Variants in CDK14 observed in about 807,000 individuals in gnomAD.
The protein encoded by CDK14 is cyclin-dependent kinase 14.
Under a neutral mutation model 60.7 loss-of-function variants are expected in CDK14, and 34 were observed. The observed-to-expected ratio is 0.56, with a 90% CI of 0.43 to 0.75. The LOEUF (loss-of-function observed/expected upper bound fraction) is 0.75, where lower values mean the gene tolerates loss of function less well. Ranked by LOEUF, CDK14 falls within the 30% of genes least tolerant of loss-of-function variation. The probability of loss-of-function intolerance (pLI) is 0.00; values close to 1 mark genes in which losing one functional copy is unlikely to be tolerated. For missense variants in CDK14, 482 were observed against 564.1 expected, an observed-to-expected ratio of 0.85 and a Z score of 1.47; for synonymous variants, 197 against 203.7, an observed-to-expected ratio of 0.97 and a Z score of 0.28.
intron 4 of CDK14, among the ~76,000 whole-genome samples, chr7:90,762,559 AG>A (rs1562757621): frequency 6.6e-6 from 1 of 152,260 alleles, no homozygotes; most frequent in Non-Finnish European, 1.5e-5. Context: ...ACCAATTAAA[AG>A]ACAGAGATTG....
intron 4 of CDK14, among the ~76,000 whole-genome samples, chr7:90,752,332 G>A (rs1803879207): frequency 6.6e-6 from 1 of 151,072 alleles, no homozygotes; most frequent in Non-Finnish European, 1.5e-5. Flanking sequence ...TTAGACCACA[G>A]TGGAATAAAA....
intron 9 of CDK14, among the ~76,000 whole-genome samples, chr7:90,956,152 A>G (rs1295249306): frequency 6.6e-6 from 1 of 152,142 alleles, no homozygotes; most frequent in Non-Finnish European, 1.5e-5. Flanking sequence ...ACAGGATTGG[A>G]GTAGCAGGGA....
chr7:90,613,275 A>T (rs575079027), intron 2 of CDK14, among the ~76,000 whole-genome samples: 1 of 152,208 alleles, frequency 6.6e-6, no homozygotes, highest in Non-Finnish European at 1.5e-5. Flanking sequence ...GGAAAACATG[A>T]GTAGTGTCCT....
At chr7:90,838,457 A>C (rs1790185033) in intron 5 of CDK14, among the ~76,000 whole-genome samples, 1 of 152,174 alleles carries the variant, frequency 6.6e-6, no homozygotes, top group African/African-American at 2.4e-5. Context: ...AAAGATAACC[A>C]TAAGGTCTGA....
At chr7:90,970,420 G>C (rs1794890285) in intron 9 of CDK14, among the ~76,000 whole-genome samples, 1 of 152,160 alleles carries the variant, frequency 6.6e-6, no homozygotes, top group Non-Finnish European at 1.5e-5. Context: ...TATCTTTGCT[G>C]GCATTTGTGT....
At chr7:90,841,885 TAC>T (rs1790307992) in intron 5 of CDK14, among the ~76,000 whole-genome samples, 1 of 152,108 alleles carries the variant, frequency 6.6e-6, no homozygotes, top group Admixed American at 6.6e-5. Context: ...CAGCCTTTAA[TAC>T]AGGTACCATC....
At chr7:90,954,334 T>G (rs17399848) in intron 8 of CDK14, among the ~76,000 whole-genome samples, 17,423 of 152,076 alleles carry the variant, frequency 0.11, 1,095 homozygotes, top group Middle Eastern at 0.16. Context: ...AATGAATATG[T>G]TATGGTAGGT....
intron 2 of CDK14, among the ~76,000 whole-genome samples, chr7:90,627,881 C>A (rs1001973032): frequency 6.6e-6 from 1 of 152,198 alleles, no homozygotes; most frequent in African/African-American, 2.4e-5. Context: ...CCGTGCAACT[C>A]AGTTTTATGC....
rs766424273 is a variant in CDK14 at position 91,099,921 on chromosome 7, A to T, written c.1155-12621A>T. ...AGGTTAGACTTTTAAGTATTCTGCAAACCTTATTCTGATTATAAAGGTCAG... is the reference window on the plus strand; with the variant it reads ...AGGTTAGACTTTTAAGTATTCTGCATACCTTATTCTGATTATAAAGGTCAG... On this transcript the variant is annotated intron_variant, in intron 12 of 14. Coordinates refer to ENST00000380050, the MANE Select transcript of CDK14 (RefSeq NM_001287135.2). Among the ~76,000 whole-genome samples, 37 of 152,248 alleles carry T rather than the reference A, an allele frequency of 2.4e-4. No individual in the cohort carries two copies. In the Middle Eastern group the frequency reaches 0.014, roughly 56 times the overall value.
intron 1 of CDK14, chr7:90,597,070 A>G (rs969907759): frequency 2.7e-5 from 7 of 263,684 alleles, no homozygotes; most frequent in African/African-American, 4.5e-5. Context: ...GCCACTTGTT[A>G]TTTTTTGCGC....
At chr7:91,182,749 A>G (rs1215701768) in intron 14 of CDK14, among the ~76,000 whole-genome samples, 2 of 152,202 alleles carry the variant, frequency 1.3e-5, no homozygotes, top group Non-Finnish European at 2.9e-5. Context: ...ACAAAAGGAA[A>G]AAATATGAAT....
At chr7:90,933,500 C>T (rs542921219) in intron 8 of CDK14, among the ~76,000 whole-genome samples, 57 of 152,006 alleles carry the variant, frequency 3.7e-4, no homozygotes, top group Non-Finnish European at 6.5e-4. Context: ...TATAACAGTT[C>T]GAGAAGTTAT....
chr7:90,630,239 CTTTTTTGTTGTACAGACA>C (rs1055107807), intron 2 of CDK14, among the ~76,000 whole-genome samples: 3 of 152,232 alleles, frequency 2.0e-5, no homozygotes, highest in Non-Finnish European at 4.4e-5. Context: ...CATGAGGCAG[CTTTTTTGTTGTACAGACA>C]TCATAGAGTA....
intron 10 of CDK14, among the ~76,000 whole-genome samples, chr7:91,018,581 C>T (rs201509584): frequency 8.5e-5 from 13 of 152,246 alleles, no homozygotes; most frequent in East Asian, 5.8e-4. Flanking sequence ...AATCTCATGT[C>T]GAATTGTAAT....
chr7:91,169,809 T>C (rs1352587682), intron 14 of CDK14, among the ~76,000 whole-genome samples: 4 of 152,226 alleles, frequency 2.6e-5, no homozygotes, highest in Non-Finnish European at 5.9e-5. Context: ...TAGAAAAGAA[T>C]GGAGGGAGGC....
intron 5 of CDK14, among the ~76,000 whole-genome samples, chr7:90,842,382 C>T (rs1335483851): frequency 6.6e-6 from 1 of 152,018 alleles, no homozygotes; most frequent in East Asian, 1.9e-4. Flanking sequence ...GGGAAATATT[C>T]TCTTATTAGT....
chr7:90,705,074 A>G (rs1036120148), intron 2 of CDK14, among the ~76,000 whole-genome samples: 1 of 151,990 alleles, frequency 6.6e-6, no homozygotes, highest in South Asian at 2.1e-4. Flanking sequence ...CTAGGGTTAT[A>G]TGGAATTATA....
At position 90,693,154 on chromosome 7, in the gene CDK14, G is replaced by T. The variant is rs534324279; in HGVS notation, c.124-33413G>T. ...TGCTTTTTTCCATTTTGAAGTGGTTGCTCTGTGTATTCTTCCCAAAGGTAT... is the reference window on the plus strand; with the variant it reads ...TGCTTTTTTCCATTTTGAAGTGGTTTCTCTGTGTATTCTTCCCAAAGGTAT... On this transcript the variant is annotated intron_variant, in intron 2 of 14. Coordinates refer to ENST00000380050, the MANE Select transcript of CDK14 (RefSeq NM_001287135.2). 1.8e-4 allele frequency among the ~76,000 whole-genome samples: 27 copies of T among 152,280 alleles called. No individual in the cohort carries two copies. The South Asian group carries it at 5.6e-3, about 32-fold the overall frequency.
At position 90,632,791 on chromosome 7, in the gene CDK14, GA is replaced by G. The variant is rs545382988; in HGVS notation, c.123+28546del. On this transcript the variant is annotated intron_variant, in intron 2 of 14. Transcript: ENST00000380050. ...AATATGTTGTCACTAGAAACATTGT[GA>G]AAATTTGTCTTACAGGCTGGGCACG... Among the ~76,000 whole-genome samples the G allele has an allele frequency of 3.9e-5, 6 of 152,238 alleles. No homozygotes were observed. The East Asian group carries it at 1.2e-3, about 29-fold the overall frequency.
Sources: gnomAD v4.1 joint callset for allele counts (sites outside exome capture counted in the v4.1 genomes callset) on GRCh38, gnomAD v4.1.1 for gene constraint, MANE v1.5 for transcripts, NCBI Gene and HGNC (gene_info 2026-07-23, HGNC 2026-07-21) for gene names.